Variants in GALNT1 observed in about 807,000 individuals in gnomAD.
GALNT1 encodes the protein polypeptide N-acetylgalactosaminyltransferase 1.
A neutral mutation model predicts 65.7 loss-of-function variants in GALNT1; 17 were observed. That is an observed-to-expected ratio of 0.26 (90% CI 0.18 to 0.39). The LOEUF (loss-of-function observed/expected upper bound fraction) is 0.39, where lower values mean the gene tolerates loss of function less well. Among genes scored for constraint, GALNT1 ranks in the 10% least tolerant of loss-of-function variants. The pLI is 1.00. For missense variants in GALNT1, 460 were observed against 672.8 expected (o/e 0.68, Z 3.50); for synonymous variants, 210 against 219.7 (o/e 0.96, Z 0.39).
At chr18:35,625,166 T>C (rs1432913136) in intron 1 of GALNT1, among the ~76,000 whole-genome samples, 3 of 152,192 alleles carry the variant, frequency 2.0e-5, no homozygotes, top group Non-Finnish European at 4.4e-5. Flanking sequence ...ATAATTCCCA[T>C]GCTGGGGATG....
chr18:35,698,970 A>C (rs1163529607), intron 9 of GALNT1, among the ~76,000 whole-genome samples: 2 of 152,134 alleles, frequency 1.3e-5, no homozygotes, highest in Non-Finnish European at 2.9e-5. Context: ...CGACAGAGTG[A>C]GACTCTGTCT....
chr18:35,668,966 G>A (rs1395123848), intron 3 of GALNT1, among the ~76,000 whole-genome samples: 2 of 152,200 alleles, frequency 1.3e-5, no homozygotes, highest in Non-Finnish European at 2.9e-5. Flanking sequence ...ACACAGCCGG[G>A]CGCACTGACT....
At chr18:35,659,034 A>G (rs185959801) in intron 2 of GALNT1, among the ~76,000 whole-genome samples, 1 of 152,220 alleles carries the variant, frequency 6.6e-6, no homozygotes, top group Non-Finnish European at 1.5e-5. Context: ...AATAGAACAC[A>G]TAGGGCCTCC....
chr18:35,602,433 T>G (rs1365594062), intron 1 of GALNT1, among the ~76,000 whole-genome samples: 7 of 152,200 alleles, frequency 4.6e-5, no homozygotes, highest in Non-Finnish European at 7.3e-5. Flanking sequence ...TTTCTGTTAT[T>G]TATTTGAATA....
intron 4 of GALNT1, among the ~76,000 whole-genome samples, chr18:35,678,611 T>C (rs2047745187): frequency 6.6e-6 from 1 of 152,194 alleles, no homozygotes. Flanking sequence ...GAATCATTGG[T>C]GTCATGTGTT....
intron 9 of GALNT1, 71 bp from the exon 10 acceptor site, chr18:35,702,826 T>C (rs942449030): frequency 5.1e-6 from 5 of 986,638 alleles, no homozygotes; most frequent in Non-Finnish European, 7.7e-6. Flanking sequence ...ATTTAGTGTA[T>C]ATGTGTGTGT....
intron 6 of GALNT1, among the ~76,000 whole-genome samples, chr18:35,688,714 C>A (rs2047908483): frequency 6.6e-6 from 1 of 152,068 alleles, no homozygotes; most frequent in African/African-American, 2.4e-5. Context: ...TATTTGCCAC[C>A]CTTTAGAACA....
At chr18:35,676,559 C>G (rs2047713457) in intron 3 of GALNT1, among the ~76,000 whole-genome samples, 1 of 152,282 alleles carries the variant, frequency 6.6e-6, no homozygotes, top group African/African-American at 2.4e-5. Context: ...TCTTCATTTC[C>G]TCCCCATCCT....
chr18:35,602,214 A>G (rs745627813), intron 1 of GALNT1, among the ~76,000 whole-genome samples: 8 of 152,152 alleles, frequency 5.3e-5, no homozygotes, highest in Non-Finnish European at 1.2e-4. Context: ...TGTAGTTTCC[A>G]GTGAAGTTTC....
intron 9 of GALNT1, among the ~76,000 whole-genome samples, chr18:35,700,338 C>T (rs1343263952): frequency 6.6e-6 from 1 of 152,184 alleles, no homozygotes; most frequent in African/African-American, 2.4e-5. Flanking sequence ...TAGCTGTGCT[C>T]TTTCAGAAGT....
At chr18:35,661,574 G>C (rs1366478527) in intron 2 of GALNT1, among the ~76,000 whole-genome samples, 2 of 151,858 alleles carry the variant, frequency 1.3e-5, no homozygotes, top group Non-Finnish European at 2.9e-5. Context: ...TCAACTCATG[G>C]CTAGTTTTGT....
intron 11 of GALNT1, among the ~76,000 whole-genome samples, chr18:35,705,886 C>T (rs570484476): frequency 1.8e-4 from 28 of 152,154 alleles, no homozygotes; most frequent in Non-Finnish European, 3.8e-4. Flanking sequence ...GCAGCTTTAT[C>T]GCATCCCAAC....
At chr18:35,635,518 C>T (rs891769225) in intron 1 of GALNT1, among the ~76,000 whole-genome samples, 1 of 152,222 alleles carries the variant, frequency 6.6e-6, no homozygotes, top group African/African-American at 2.4e-5. Flanking sequence ...TGGCTAGGGT[C>T]ATTGCCGTGA....
At chr18:35,599,276 C>A (rs532564535) in intron 1 of GALNT1, among the ~76,000 whole-genome samples, 19 of 151,764 alleles carry the variant, frequency 1.3e-4, no homozygotes, top group South Asian at 1.0e-3. Flanking sequence ...TGAGGTCCAA[C>A]CCAAAAAGTT....
chr18:35,599,434 A>C (rs1173537322), intron 1 of GALNT1, among the ~76,000 whole-genome samples: 1 of 148,400 alleles, frequency 6.7e-6, no homozygotes, highest in Non-Finnish European at 1.5e-5. Flanking sequence ...ATTATGGCAC[A>C]ATCACAGCTC....
chr18:35,685,887 C>T (rs370341246), intron 5 of GALNT1, among the ~76,000 whole-genome samples: 8 of 151,974 alleles, frequency 5.3e-5, no homozygotes, highest in Admixed American at 2.0e-4. Context: ...GCCAACATGG[C>T]GAAACCCCAG....
intron 5 of GALNT1, among the ~76,000 whole-genome samples, chr18:35,686,001 A>T (rs1213383512): frequency 6.6e-6 from 1 of 152,178 alleles, no homozygotes; most frequent in African/African-American, 2.4e-5. Context: ...TCAGGAAGTC[A>T]AGGCTGCAAT....
chr18:35,657,987 G>A (rs1311804142), intron 2 of GALNT1, among the ~76,000 whole-genome samples: 2 of 152,166 alleles, frequency 1.3e-5, no homozygotes, highest in Non-Finnish European at 2.9e-5. Context: ...ATGAGACAGT[G>A]GGGTATCAGA....
chr18:35,650,542 G>A (rs1042787190), intron 1 of GALNT1, among the ~76,000 whole-genome samples: 8 of 152,128 alleles, frequency 5.3e-5, no homozygotes, highest in Admixed American at 1.3e-4. Context: ...ACGGGAGACC[G>A]GGGCTTATTT....
Sources: allele counts gnomAD v4.1 joint callset (sites outside exome capture counted in the v4.1 genomes callset), GRCh38; gene constraint gnomAD v4.1.1; transcripts MANE v1.5; gene names NCBI Gene and HGNC (gene_info 2026-07-23, HGNC 2026-07-21).